The following ROBO1 variants were observed in gnomAD, a reference collection of about 807,000 sequenced individuals.
The protein encoded by ROBO1 is roundabout homolog 1.
ROBO1 carries 149 observed loss-of-function variants against 195.9 expected under a neutral mutation model. That is an observed-to-expected ratio of 0.76 (90% CI 0.67 to 0.87). The LOEUF (loss-of-function observed/expected upper bound fraction) is 0.87. ROBO1 is among the 40% of genes least tolerant of loss of function. The pLI, the probability that ROBO1 is intolerant of heterozygous loss-of-function variation, is 0.00. For missense variants in ROBO1, 1,933 were observed against 2,068.3 expected (o/e 0.93, Z 1.27); for synonymous variants, 816 against 733.2 (o/e 1.11, Z -1.82).
Position 79,550,217 on chromosome 3 carries a change from A to AAAAGG in ROBO1, c.88+39606_88+39607insCCTTT, listed in dbSNP as rs1425616269. On this transcript the variant is annotated intron_variant, in intron 2 of 30. Coordinates refer to ENST00000464233, the MANE Select transcript of ROBO1 (RefSeq NM_002941.4). ...AAAGGAAAAGAAAAGAAAAGAAAAG[A>AAAAGG]AAAGAAAAGAAAAGAAAAGAAAAGA... Among the ~76,000 whole-genome samples, 14 of 129,538 alleles carry AAAAGG rather than the reference A, an allele frequency of 1.1e-4. 1 individual carries two copies. The highest frequency in any genetic ancestry group is 3.9e-4 in the African/African-American group (14 of 35,778). 85.0% of individuals were successfully genotyped at this position (129,538 alleles called of 152,430 possible).
chr3:79,199,513 A>G (rs528894112), intron 2 of ROBO1, among the ~76,000 whole-genome samples: 16 of 151,824 alleles, frequency 1.1e-4, no homozygotes, highest in African/African-American at 3.6e-4. Context: ...ACCTTCTTTA[A>G]CGTGTTCCTG....
At chr3:78,624,973 T>G (rs1704673819) in intron 26 of ROBO1, among the ~76,000 whole-genome samples, 1 of 152,064 alleles carries the variant, frequency 6.6e-6, no homozygotes, top group Non-Finnish European at 1.5e-5. Flanking sequence ...AGAGTGTATG[T>G]GATGAAATTG....
chr3:78,890,705 T>C (rs990862486), intron 4 of ROBO1, among the ~76,000 whole-genome samples: 36 of 152,216 alleles, frequency 2.4e-4, no homozygotes, highest in African/African-American at 8.0e-4. Flanking sequence ...TAAAGATGGT[T>C]ATGTTCCTGT....
At chr3:79,221,575 C>T (rs2108827247) in intron 2 of ROBO1, among the ~76,000 whole-genome samples, 1 of 152,150 alleles carries the variant, frequency 6.6e-6, no homozygotes, top group South Asian at 2.1e-4. Context: ...GGTGAATTCA[C>T]CTAAGTTTTA....
intron 2 of ROBO1, among the ~76,000 whole-genome samples, chr3:79,575,424 A>G (rs1381669148): frequency 7.8e-6 from 1 of 128,252 alleles, no homozygotes; most frequent in Non-Finnish European, 1.6e-5. Flanking sequence ...AAATATATAT[A>G]TAAATATATA....
intron 3 of ROBO1, among the ~76,000 whole-genome samples, chr3:79,017,208 T>C (rs540410400): frequency 6.6e-6 from 1 of 152,310 alleles, no homozygotes; most frequent in African/African-American, 2.4e-5. Context: ...TAAAATTCTT[T>C]TAGGGGTTTA....
At chr3:78,657,329 A>C in intron 17 of ROBO1, 60 bp from the exon 18 acceptor site, 7 of 1,556,640 alleles carry the variant, frequency 4.5e-6, no homozygotes, top group Non-Finnish European at 6.1e-6. Flanking sequence ...TGCAAAGATC[A>C]ACACAGGGTT....
intron 2 of ROBO1, among the ~76,000 whole-genome samples, chr3:79,167,282 A>C (rs934900049): frequency 4.6e-5 from 7 of 152,062 alleles, no homozygotes; most frequent in African/African-American, 1.7e-4. Flanking sequence ...TTTACTCTTC[A>C]CTATTTTTGT....
intron 3 of ROBO1, among the ~76,000 whole-genome samples, chr3:78,981,711 G>A (rs2076993923): frequency 6.6e-6 from 1 of 151,714 alleles, no homozygotes; most frequent in Non-Finnish European, 1.5e-5. Context: ...TAAATTGGAA[G>A]GGCTTGAAGG....
chr3:78,754,519 A>C (rs1268849890), intron 4 of ROBO1, among the ~76,000 whole-genome samples: 2 of 152,216 alleles, frequency 1.3e-5, no homozygotes. Context: ...TCTGAAGGTC[A>C]GCTCCATGAG....
intron 2 of ROBO1, among the ~76,000 whole-genome samples, chr3:79,165,292 T>C (rs1051915107): frequency 6.6e-6 from 1 of 152,220 alleles, no homozygotes; most frequent in South Asian, 2.1e-4. Context: ...TCTGTACATG[T>C]AGATATCAGG....
At chr3:78,844,344 T>C (rs1453757918) in intron 4 of ROBO1, among the ~76,000 whole-genome samples, 14 of 152,156 alleles carry the variant, frequency 9.2e-5, no homozygotes. Flanking sequence ...TGCAATTATT[T>C]TTTTAACCTC....
chr3:79,354,983 T>C (rs1252386924), intron 2 of ROBO1, among the ~76,000 whole-genome samples: 2 of 151,926 alleles, frequency 1.3e-5, no homozygotes, highest in African/African-American at 2.4e-5. Context: ...CTGGCCAAGA[T>C]GGTGAAACCC....
At chr3:79,697,379 C>G (rs1012361444) in intron 1 of ROBO1, among the ~76,000 whole-genome samples, 2 of 151,112 alleles carry the variant, frequency 1.3e-5, no homozygotes, top group African/African-American at 4.8e-5. Flanking sequence ...CATACTTCAC[C>G]CATACAAATG....
In ROBO1 at chr3:79,462,183, C is replaced by G. The variant is rs532902055; in HGVS notation, c.88+127641G>C. 2.0e-5 allele frequency among the ~76,000 whole-genome samples: 3 copies of G among 152,110 alleles called. No homozygotes were observed. The South Asian group carries it at 6.2e-4, about 32-fold the overall frequency. On this transcript the variant is annotated intron_variant, in intron 2 of 30. Coordinates refer to ENST00000464233, the MANE Select transcript of ROBO1 (RefSeq NM_002941.4). The stretch of plus-strand genomic sequence containing the variant: ...TTCCAAGATGAGAACCCTCATTCAC[C>G]TCAGGAGTAGTCCCAGATTTCACAA...
chr3:78,723,731 G>C (rs2108127768), intron 5 of ROBO1, among the ~76,000 whole-genome samples: 1 of 152,132 alleles, frequency 6.6e-6, no homozygotes, highest in South Asian at 2.1e-4. Context: ...ACACATCAAG[G>C]AATTATCTGA....
chr3:79,476,236 T>C (rs923394033), intron 2 of ROBO1, among the ~76,000 whole-genome samples: 5 of 151,982 alleles, frequency 3.3e-5, no homozygotes, highest in Admixed American at 3.3e-4. Flanking sequence ...AATTAAAAAA[T>C]AATAGATGTT....
intron 2 of ROBO1, among the ~76,000 whole-genome samples, chr3:79,260,091 C>T (rs920840602): frequency 6.6e-6 from 1 of 150,436 alleles, no homozygotes; most frequent in African/African-American, 2.5e-5. Context: ...TATATGTACA[C>T]ACACACACAC....
At chr3:79,050,394 A>G (rs1380000588) in intron 3 of ROBO1, among the ~76,000 whole-genome samples, 2 of 152,174 alleles carry the variant, frequency 1.3e-5, no homozygotes, top group African/African-American at 2.4e-5. Flanking sequence ...CCAGATTCAT[A>G]ACACAAGTCC....
Sources: gnomAD v4.1 joint callset for allele counts (sites outside exome capture counted in the v4.1 genomes callset) on GRCh38, gnomAD v4.1.1 for gene constraint, MANE v1.5 for transcripts, NCBI Gene and HGNC (gene_info 2026-07-23, HGNC 2026-07-21) for gene names.